The following MECOM variants were observed in gnomAD, a reference collection of about 807,000 sequenced individuals.
MECOM encodes the protein MDS1 and EVI1 complex locus.
A neutral mutation model predicts 116.3 loss-of-function variants in MECOM; 13 were observed. The ratio of observed to expected loss-of-function variants is 0.11; its 90% CI spans 0.07 to 0.18. The LOEUF (loss-of-function observed/expected upper bound fraction) is 0.18. MECOM is among the 10% of genes least tolerant of loss of function. MECOM has a pLI of 1.00. For synonymous variants in MECOM, 528 were observed against 535.2 expected, an observed-to-expected ratio of 0.99 and a Z score of 0.19; for missense variants, 1,299 against 1,509.0, an observed-to-expected ratio of 0.86 and a Z score of 2.31.
intron 1 of MECOM, among the ~76,000 whole-genome samples, chr3:169,628,050 GCA>G (rs1347004646): frequency 6.6e-6 from 1 of 152,094 alleles, no homozygotes; most frequent in East Asian, 1.9e-4. Flanking sequence ...ATACCAAAGA[GCA>G]CCCCCAGAGA....
At position 169,453,318 on chromosome 3, in the gene MECOM, T is replaced by C. The variant is rs1043509900; in HGVS notation, c.38-71794A>G. On this transcript the variant is annotated intron_variant, in intron 1 of 16. Coordinates refer to ENST00000651503, the MANE Select transcript of MECOM (RefSeq NM_004991.4). ...AAATGGCCTATTAATTATCTAATGTTGTCTGACAACAACAGCTTGATAAAG... is the reference window on the plus strand; with the variant it reads ...AAATGGCCTATTAATTATCTAATGTCGTCTGACAACAACAGCTTGATAAAG... 2.6e-5 allele frequency among the ~76,000 whole-genome samples: 4 copies of C among 152,350 alleles called. No homozygotes were observed. The Middle Eastern group carries it at 0.01, about 389-fold the overall frequency.
intron 5 of MECOM, among the ~76,000 whole-genome samples, chr3:169,127,111 C>T: frequency 6.6e-6 from 1 of 152,018 alleles, no homozygotes; most frequent in East Asian, 1.9e-4. Context: ...CTAAACTGTT[C>T]TAATCTTAAA....
At chr3:169,225,596 T>C (rs1382771042) in intron 2 of MECOM, among the ~76,000 whole-genome samples, 1 of 152,220 alleles carries the variant, frequency 6.6e-6, no homozygotes. Context: ...AGGCAGCTCG[T>C]CCTAAGACCC....
At chr3:169,378,501 GAAAGAAAGAAAGA>G (rs1731684972) in intron 2 of MECOM, among the ~76,000 whole-genome samples, 1 of 27,688 alleles carries the variant, frequency 3.6e-5, no homozygotes, top group African/African-American at 3.2e-4. Context: ...AAGAAAGAAA[GAAAGAAAGAAAGA>G]AAAGAAAGAA....
At chr3:169,447,364 A>C (rs1488246503) in intron 1 of MECOM, among the ~76,000 whole-genome samples, 3 of 152,156 alleles carry the variant, frequency 2.0e-5, no homozygotes, top group Non-Finnish European at 4.4e-5. Context: ...GGGAGGGAAC[A>C]GATGAATAAT....
intron 2 of MECOM, among the ~76,000 whole-genome samples, chr3:169,325,760 G>A (rs1435105310): frequency 6.6e-6 from 1 of 152,214 alleles, no homozygotes; most frequent in Non-Finnish European, 1.5e-5. Context: ...AACTTTGAAT[G>A]TTATTTATGA....
At chr3:169,142,899 G>T (rs1241431925) in intron 3 of MECOM, among the ~76,000 whole-genome samples, 1 of 151,690 alleles carries the variant, frequency 6.6e-6, no homozygotes, top group African/African-American at 2.4e-5. Context: ...GAAACCATTG[G>T]GTTAAGAGAA....
At chr3:169,351,939 C>A (rs1726406749) in intron 2 of MECOM, among the ~76,000 whole-genome samples, 4 of 151,780 alleles carry the variant, frequency 2.6e-5, no homozygotes, top group Admixed American at 2.0e-4. Context: ...TTCCTTTTTT[C>A]TCTGATTGAG....
chr3:169,437,873 T>C (rs560180468), intron 1 of MECOM, among the ~76,000 whole-genome samples: 12 of 152,304 alleles, frequency 7.9e-5, no homozygotes, highest in African/African-American at 2.9e-4. Context: ...CAATGTCATA[T>C]ATAGAGTGAC....
intron 1 of MECOM, among the ~76,000 whole-genome samples, chr3:169,466,862 T>C (rs1483951314): frequency 6.6e-6 from 1 of 152,200 alleles, no homozygotes; most frequent in Admixed American, 6.5e-5. Context: ...TAGCCTCCAA[T>C]TGAATAAACA....
chr3:169,617,073 C>T (rs1770104417), intron 1 of MECOM, among the ~76,000 whole-genome samples: 1 of 152,114 alleles, frequency 6.6e-6, no homozygotes, highest in Non-Finnish European at 1.5e-5. Flanking sequence ...CGCCCTCCCA[C>T]AAAACTAGGA....
intron 1 of MECOM, among the ~76,000 whole-genome samples, chr3:169,429,924 T>A (rs1345410296): frequency 6.6e-6 from 1 of 152,196 alleles, no homozygotes; most frequent in Non-Finnish European, 1.5e-5. Context: ...AGTCCCACTG[T>A]CTCTCCTACA....
chr3:169,277,903 G>C (rs1316597582), intron 2 of MECOM, among the ~76,000 whole-genome samples: 1 of 152,200 alleles, frequency 6.6e-6, no homozygotes, highest in African/African-American at 2.4e-5. Context: ...CTCCAGAAAA[G>C]CGCAAATCCA....
intron 1 of MECOM, among the ~76,000 whole-genome samples, chr3:169,415,609 C>T (rs1037314869): frequency 1.4e-4 from 22 of 152,092 alleles, no homozygotes; most frequent in African/African-American, 4.8e-4. Flanking sequence ...AGTCAAGACC[C>T]ATCAGTGTGC....
At chr3:169,479,918 T>C (rs771742511) in intron 1 of MECOM, among the ~76,000 whole-genome samples, 1 of 152,200 alleles carries the variant, frequency 6.6e-6, no homozygotes, top group Non-Finnish European at 1.5e-5. Context: ...AAATTCCCCA[T>C]TTTTTAACTG....
chr3:169,565,579 C>T (rs888322103), intron 1 of MECOM, among the ~76,000 whole-genome samples: 6 of 152,208 alleles, frequency 3.9e-5, no homozygotes, highest in African/African-American at 1.4e-4. Flanking sequence ...CCAGCCATGG[C>T]TTCCATCCTT....
chr3:169,242,219 A>G (rs1300588334), intron 2 of MECOM, among the ~76,000 whole-genome samples: 1 of 152,114 alleles, frequency 6.6e-6, no homozygotes, highest in African/African-American at 2.4e-5. Context: ...ATTGATGTCC[A>G]TTTGCATCTC....
chr3:169,096,374 G>A (rs1014699343), intron 12 of MECOM, among the ~76,000 whole-genome samples: 1 of 151,632 alleles, frequency 6.6e-6, no homozygotes, highest in Non-Finnish European at 1.5e-5. Flanking sequence ...GGGTTCAAGC[G>A]ATTCTCCTGC....
chr3:169,625,050 G>T (rs1577164069), intron 1 of MECOM, among the ~76,000 whole-genome samples: 1 of 144,382 alleles, frequency 6.9e-6, no homozygotes, highest in Non-Finnish European at 1.5e-5. Context: ...AAAAAAAAAA[G>T]AAAGGAAGAA....
Sources: allele counts gnomAD v4.1 joint callset (sites outside exome capture counted in the v4.1 genomes callset), GRCh38; gene constraint gnomAD v4.1.1; transcripts MANE v1.5; gene names NCBI Gene and HGNC (gene_info 2026-07-23, HGNC 2026-07-21).